The following NUBPL variants were observed in gnomAD, a reference collection of about 807,000 sequenced individuals.
The protein encoded by NUBPL is NUBP iron-sulfur cluster assembly factor, mitochondrial, also known as iron-sulfur cluster transfer protein NUBPL.
NUBPL carries 31 observed loss-of-function variants against 45.7 expected under a neutral mutation model. That is an observed-to-expected ratio of 0.68 (90% CI 0.51 to 0.92). NUBPL has a LOEUF of 0.92. Ranked by LOEUF, NUBPL falls within the 40% of genes least tolerant of loss-of-function variation. The pLI is 0.00. For synonymous variants in NUBPL, 144 were observed against 140.9 expected (o/e 1.02, Z -0.15); for missense variants, 401 against 398.7 (o/e 1.01, Z -0.05).
At chr14:31,684,583 C>T (rs1298705796) in intron 6 of NUBPL, among the ~76,000 whole-genome samples, 1 of 152,084 alleles carries the variant, frequency 6.6e-6, no homozygotes, top group Admixed American at 6.5e-5. Context: ...TGTTTTCTCC[C>T]CTCTGCCATG....
intron 4 of NUBPL, among the ~76,000 whole-genome samples, chr14:31,651,826 G>A (rs2036013434): frequency 6.6e-6 from 1 of 151,494 alleles, no homozygotes; most frequent in Non-Finnish European, 1.5e-5. Flanking sequence ...ATGAACCTGG[G>A]AGGCAGAGCT....
chr14:31,811,105 C>T (rs1459914756), intron 7 of NUBPL, among the ~76,000 whole-genome samples: 1 of 152,084 alleles, frequency 6.6e-6, no homozygotes, highest in Non-Finnish European at 1.5e-5. Context: ...CTTGGGGTTG[C>T]TCTTTTCAAG....
At chr14:31,715,677 T>C (rs540060252) in intron 6 of NUBPL, among the ~76,000 whole-genome samples, 2 of 152,316 alleles carry the variant, frequency 1.3e-5, no homozygotes, top group East Asian at 3.9e-4. Context: ...TGCATGGAGC[T>C]TGCAGGACTG....
Position 31,708,631 on chromosome 14 carries a change from G to A in NUBPL, c.513+35057G>A, listed in dbSNP as rs186789774. Among the ~76,000 whole-genome samples the A allele has an allele frequency of 2.0e-3, 304 of 152,316 alleles. 1 individual carries two copies. The highest frequency in any genetic ancestry group is 6.7e-3 in the African/African-American group (280 of 41,570). ...TTCCTCAGATGGTAATGGACCTTGA[G>A]GACAGTCGTCCAGGACAGGAGATTA... On this transcript the variant is annotated intron_variant, in intron 6 of 10. Coordinates refer to ENST00000281081, the MANE Select transcript of NUBPL (RefSeq NM_025152.3).
intron 8 of NUBPL, among the ~76,000 whole-genome samples, chr14:31,835,190 G>C (rs1385345584): frequency 6.6e-6 from 1 of 152,172 alleles, no homozygotes; most frequent in Non-Finnish European, 1.5e-5. Context: ...AGCACTGGGT[G>C]GTAAGGATGG....
chr14:31,677,204 G>T (rs542926825), intron 6 of NUBPL, among the ~76,000 whole-genome samples: 1 of 152,102 alleles, frequency 6.6e-6, no homozygotes, highest in African/African-American at 2.4e-5. Context: ...TACTCTTTTA[G>T]CTATTTTAAA....
At chr14:31,813,627 C>T (rs1332958987) in intron 7 of NUBPL, among the ~76,000 whole-genome samples, 3 of 151,560 alleles carry the variant, frequency 2.0e-5, no homozygotes, top group African/African-American at 2.4e-5. Flanking sequence ...ATGGTGGTTT[C>T]CTGCACCCAT....
At chr14:31,683,995 A>T (rs1464558173) in intron 6 of NUBPL, among the ~76,000 whole-genome samples, 2 of 152,134 alleles carry the variant, frequency 1.3e-5, no homozygotes, top group Admixed American at 6.5e-5. Flanking sequence ...GGCAGTTTTC[A>T]TAATTTCCTT....
At chr14:31,645,033 G>C (rs1441953000) in intron 4 of NUBPL, among the ~76,000 whole-genome samples, 1 of 150,094 alleles carries the variant, frequency 6.7e-6, no homozygotes, top group Admixed American at 6.6e-5. Context: ...CAGTTTATGT[G>C]TGTCTTTATA....
At position 31,599,272 on chromosome 14, in the gene NUBPL, T is replaced by C; in HGVS notation, c.292-17T>C. Reference sequence around the variant, plus strand: ...GTGTTTTTGTTTTGTTTTATATTTTTATTTATTTTTTTACAGTCCAAGGCC... The same window carrying C: ...GTGTTTTTGTTTTGTTTTATATTTTCATTTATTTTTTTACAGTCCAAGGCC... On this transcript the variant is annotated splice_polypyrimidine_tract_variant and intron_variant, in intron 3 of 10. Coordinates refer to ENST00000281081, the MANE Select transcript of NUBPL (RefSeq NM_025152.3). 2 of 1,575,548 alleles carry C rather than the reference T, an allele frequency of 1.3e-6. No individual in the cohort carries two copies. Among genetic ancestry groups the C allele is most frequent in the Non-Finnish European group, 1.7e-6 (2 of 1,146,936 alleles).
chr14:31,611,741 A>G (rs1182799340), intron 4 of NUBPL, among the ~76,000 whole-genome samples: 1 of 151,882 alleles, frequency 6.6e-6, no homozygotes, highest in African/African-American at 2.4e-5. Flanking sequence ...GAATAGAACC[A>G]AATAAAGAAC....
chr14:31,858,476 A>G (rs1283261969), intron 10 of NUBPL, among the ~76,000 whole-genome samples: 3 of 152,250 alleles, frequency 2.0e-5, no homozygotes, highest in Non-Finnish European at 4.4e-5. Flanking sequence ...TGCAAATATC[A>G]TTACCATGCA....
chr14:31,710,716 G>T (rs920461088), intron 6 of NUBPL, among the ~76,000 whole-genome samples: 25 of 152,182 alleles, frequency 1.6e-4, no homozygotes, highest in African/African-American at 5.1e-4. Flanking sequence ...GGGATCTCCA[G>T]GGTTGGAAGA....
chr14:31,603,312 A>AG (rs1566441022), intron 4 of NUBPL, among the ~76,000 whole-genome samples: 1 of 149,604 alleles, frequency 6.7e-6, no homozygotes, highest in African/African-American at 2.4e-5. Flanking sequence ...AAAAAAAAAA[A>AG]AAAAAGAAAA....
intron 3 of NUBPL, among the ~76,000 whole-genome samples, chr14:31,580,831 A>G (rs1190273380): frequency 6.6e-6 from 1 of 152,184 alleles, no homozygotes; most frequent in African/African-American, 2.4e-5. Flanking sequence ...ATAAACAGGA[A>G]GAAGGTCCAT....
chr14:31,638,124 T>C (rs973894985), intron 4 of NUBPL, among the ~76,000 whole-genome samples: 1 of 152,142 alleles, frequency 6.6e-6, no homozygotes, highest in Non-Finnish European at 1.5e-5. Context: ...AATTTGATCC[T>C]GTCATTATGA....
At chr14:31,800,591 A>G (rs2039568491) in intron 7 of NUBPL, among the ~76,000 whole-genome samples, 1 of 152,232 alleles carries the variant, frequency 6.6e-6, no homozygotes, top group Non-Finnish European at 1.5e-5. Context: ...CAATTTGTAA[A>G]AAATGCAGCA....
At chr14:31,587,169 T>G (rs1000591047) in intron 3 of NUBPL, among the ~76,000 whole-genome samples, 1 of 152,182 alleles carries the variant, frequency 6.6e-6, no homozygotes, top group African/African-American at 2.4e-5. Flanking sequence ...TGACCATTAG[T>G]TTTGTTAACA....
chr14:31,586,000 G>T (rs913266174), intron 3 of NUBPL, among the ~76,000 whole-genome samples: 4 of 152,162 alleles, frequency 2.6e-5, no homozygotes, highest in Admixed American at 2.0e-4. Context: ...ATCTTAAGTT[G>T]TACAAGGTTT....
Sources: allele counts gnomAD v4.1 joint callset (sites outside exome capture counted in the v4.1 genomes callset), GRCh38; gene constraint gnomAD v4.1.1; transcripts MANE v1.5; gene names NCBI Gene and HGNC (gene_info 2026-07-23, HGNC 2026-07-21).